Variants in LRP1B observed in about 807,000 individuals in gnomAD.
LRP1B encodes the protein low-density lipoprotein receptor-related protein 1B.
A neutral mutation model predicts 556.6 loss-of-function variants in LRP1B; 217 were observed. The ratio of observed to expected loss-of-function variants is 0.39; its 90% CI spans 0.35 to 0.44. The LOEUF is 0.44. LRP1B is among the 20% of genes least tolerant of loss of function. The pLI, the probability that LRP1B is intolerant of heterozygous loss-of-function variation, is 1.00. For missense variants in LRP1B, 5,053 were observed against 5,620.8 expected (o/e 0.90, Z 3.23); for synonymous variants, 2,047 against 1,865.8 (o/e 1.10, Z -2.50).
intron 43 of LRP1B, among the ~76,000 whole-genome samples, chr2:140,578,438 CT>C (rs1304735909): frequency 6.6e-6 from 1 of 152,102 alleles, no homozygotes; most frequent in Admixed American, 6.5e-5. Flanking sequence ...AAAATAAATT[CT>C]TTTACTGCTC....
chr2:141,427,869 A>G lies in LRP1B; in HGVS notation c.343+52527T>C, dbSNP rs112846948. On this transcript the variant is annotated intron_variant, in intron 3 of 90. Transcript: ENST00000389484. ...AAAATGCTTTCTTAGTATTGCACTG[A>G]TAGTGCACAATAGTGAGTCAAGATG... Among the ~76,000 whole-genome samples the G allele has an allele frequency of 5.1e-4, 78 of 152,294 alleles. 1 individual carries two copies. The highest frequency in any genetic ancestry group is 1.8e-3 in the African/African-American group (75 of 41,566).
Position 141,434,597 on chromosome 2 carries a change from T to C in LRP1B, c.343+45799A>G, listed in dbSNP as rs537260330. Among the ~76,000 whole-genome samples, 7 of 152,296 alleles carry C rather than the reference T, an allele frequency of 4.6e-5. No individual in the cohort carries two copies. The East Asian group carries it at 1.4e-3, about 29-fold the overall frequency. On this transcript the variant is annotated intron_variant, in intron 3 of 90. Transcript: ENST00000389484. Reference sequence around the variant, plus strand: ...AAATGTACCATTTGGGGTCTGTCAATGGCAGTTTTTGTTGCCTGATAATTT... The same window carrying C: ...AAATGTACCATTTGGGGTCTGTCAACGGCAGTTTTTGTTGCCTGATAATTT...
chr2:140,919,160 T>C (rs1180953733), intron 21 of LRP1B, among the ~76,000 whole-genome samples: 5 of 152,100 alleles, frequency 3.3e-5, no homozygotes, highest in African/African-American at 7.2e-5. Flanking sequence ...TATGTTAAAA[T>C]TCTGGTTTGT....
intron 77 of LRP1B, among the ~76,000 whole-genome samples, chr2:140,342,355 A>G (rs1425920996): frequency 6.6e-6 from 1 of 151,462 alleles, no homozygotes; most frequent in Non-Finnish European, 1.5e-5. Flanking sequence ...ATGACATACT[A>G]TAACCCTTCA....
At chr2:141,211,671 G>T (rs934990650) in intron 6 of LRP1B, among the ~76,000 whole-genome samples, 4 of 152,104 alleles carry the variant, frequency 2.6e-5, no homozygotes, top group Non-Finnish European at 5.9e-5. Context: ...TTATGGCTAT[G>T]TACGGATCAT....
At chr2:140,730,377 C>A (rs1445928473) in intron 35 of LRP1B, among the ~76,000 whole-genome samples, 1 of 152,156 alleles carries the variant, frequency 6.6e-6, no homozygotes, top group Non-Finnish European at 1.5e-5. Flanking sequence ...ACTTAGATAG[C>A]ATCCAAACTT....
intron 84 of LRP1B, among the ~76,000 whole-genome samples, chr2:140,286,417 C>G (rs1413002184): frequency 6.6e-6 from 1 of 151,776 alleles, no homozygotes; most frequent in Non-Finnish European, 1.5e-5. Context: ...AATGAGAGAG[C>G]CCTTGGACAT....
intron 43 of LRP1B, among the ~76,000 whole-genome samples, chr2:140,589,563 G>T (rs569456743): frequency 1.3e-5 from 2 of 152,212 alleles, no homozygotes; most frequent in East Asian, 3.9e-4. Context: ...TTCAACAAGT[G>T]AATAAAGATA....
chr2:141,351,173 A>T (rs980129894), intron 3 of LRP1B, among the ~76,000 whole-genome samples: 3 of 152,046 alleles, frequency 2.0e-5, no homozygotes, highest in Non-Finnish European at 2.9e-5. Flanking sequence ...CTGGATTAAG[A>T]ATCAAGAAAA....
At chr2:141,513,260 C>A (rs1488138245) in intron 2 of LRP1B, among the ~76,000 whole-genome samples, 1 of 151,996 alleles carries the variant, frequency 6.6e-6, no homozygotes, top group East Asian at 1.9e-4. Flanking sequence ...AATTATCTAA[C>A]TTTTTTCCAG....
At chr2:140,621,660 C>T (rs1462340728) in intron 41 of LRP1B, among the ~76,000 whole-genome samples, 3 of 152,118 alleles carry the variant, frequency 2.0e-5, no homozygotes, top group Admixed American at 6.6e-5. Flanking sequence ...TCACCTGCTA[C>T]TGACATTCTG....
chr2:141,947,249 T>C (rs758535315), intron 1 of LRP1B, among the ~76,000 whole-genome samples: 12 of 152,030 alleles, frequency 7.9e-5, no homozygotes, highest in African/African-American at 1.2e-4. Flanking sequence ...GTGGCCAACA[T>C]GGTGAAACTG....
At chr2:140,746,157 G>A (rs1015295183) in intron 35 of LRP1B, among the ~76,000 whole-genome samples, 1 of 151,966 alleles carries the variant, frequency 6.6e-6, no homozygotes, top group South Asian at 2.1e-4. Flanking sequence ...ACACCTTAAG[G>A]GACCTTCTGG....
At chr2:141,200,673 C>A (rs1280867981) in intron 6 of LRP1B, among the ~76,000 whole-genome samples, 1 of 151,956 alleles carries the variant, frequency 6.6e-6, no homozygotes, top group Non-Finnish European at 1.5e-5. Flanking sequence ...CAATGTATAC[C>A]ATTGCCCTAA....
At chr2:141,478,477 C>T (rs1334491085) in intron 3 of LRP1B, among the ~76,000 whole-genome samples, 3 of 151,990 alleles carry the variant, frequency 2.0e-5, no homozygotes, top group Non-Finnish European at 4.4e-5. Flanking sequence ...TCTTTAATGC[C>T]TATCATTTAA....
chr2:140,252,089 A>AAAAAAAAAAAAAC (rs1558926907), intron 86 of LRP1B, among the ~76,000 whole-genome samples: 1 of 67,252 alleles, frequency 1.5e-5, no homozygotes, highest in East Asian at 5.8e-4. Context: ...AAAAAAAAAA[A>AAAAAAAAAAAAAC]CCCAAAAAAC....
In LRP1B at chr2:140,598,853, T is replaced by G; in HGVS notation, c.6990-18A>C. ...ACATTAAACTAATTAAAATGAAAAT[T>G]GTAACTATAAATTAAACTTCTCATC... On this transcript the variant is annotated intron_variant, in intron 42 of 90. Transcript: ENST00000389484. 1 of 1,507,000 alleles carries G rather than the reference T, an allele frequency of 6.6e-7. No homozygotes were observed. Among genetic ancestry groups the G allele is most frequent in the Non-Finnish European group, 9.2e-7 (1 of 1,085,716 alleles). 93.4% of individuals were successfully genotyped at this position (1,507,000 alleles called of 1,614,324 possible). A position where few individuals can be genotyped will look rare whatever the true frequency, so the allele number is the denominator to read the frequency against.
chr2:141,317,521 G>C (rs1004335893), intron 3 of LRP1B, among the ~76,000 whole-genome samples: 24 of 152,140 alleles, frequency 1.6e-4, no homozygotes, highest in African/African-American at 5.8e-4. Context: ...CTAACTCCAA[G>C]TAGAGTCACA....
chr2:141,504,644 A>T (rs2105139285), intron 2 of LRP1B, among the ~76,000 whole-genome samples: 1 of 152,244 alleles, frequency 6.6e-6, no homozygotes, highest in East Asian at 1.9e-4. Flanking sequence ...AGGAGCAATA[A>T]TCTGTCCAGG....
Sources: gnomAD v4.1 joint callset for allele counts (sites outside exome capture counted in the v4.1 genomes callset) on GRCh38, gnomAD v4.1.1 for gene constraint, MANE v1.5 for transcripts, NCBI Gene and HGNC (gene_info 2026-07-23, HGNC 2026-07-21) for gene names.